TSHZ2: variants seen among roughly 807,000 people sequenced by gnomAD.
The protein encoded by TSHZ2 is teashirt homolog 2.
In TSHZ2, 21 loss-of-function variants were observed where a neutral mutation model predicts 74.4. That is an observed-to-expected ratio of 0.28 (90% CI 0.20 to 0.41). The LOEUF is 0.41. TSHZ2 is among the 10% of genes least tolerant of loss of function. The probability of loss-of-function intolerance (pLI) is 1.00; values close to 1 mark genes in which losing one functional copy is unlikely to be tolerated. For synonymous variants in TSHZ2, 540 were observed against 515.3 expected (o/e 1.05, Z -0.65); for missense variants, 1,244 against 1,293.5 (o/e 0.96, Z 0.59).
intron 2 of TSHZ2, among the ~76,000 whole-genome samples, chr20:53,286,954 G>A (rs1407274230): frequency 6.6e-6 from 1 of 150,932 alleles, no homozygotes; most frequent in Non-Finnish European, 1.5e-5. Context: ...ATGACCAGAT[G>A]CCAGACCAAG....
intron 2 of TSHZ2, among the ~76,000 whole-genome samples, chr20:53,308,431 C>T (rs758734418): frequency 3.9e-5 from 6 of 151,936 alleles, no homozygotes; most frequent in African/African-American, 1.5e-4. Flanking sequence ...GAAAGCAGGG[C>T]GTCTCGATGG....
At chr20:53,354,520 G>A (rs188410500) in intron 2 of TSHZ2, among the ~76,000 whole-genome samples, 1 of 152,320 alleles carries the variant, frequency 6.6e-6, no homozygotes, top group East Asian at 1.9e-4. Context: ...AGCAGGTGAA[G>A]GGCTCAAAAC....
chr20:53,465,027 G>A (rs1209860761), intron 2 of TSHZ2, among the ~76,000 whole-genome samples: 1 of 152,136 alleles, frequency 6.6e-6, no homozygotes, highest in African/African-American at 2.4e-5. Context: ...GGCAACTTGG[G>A]TTCCCCATAA....
intron 2 of TSHZ2, among the ~76,000 whole-genome samples, chr20:53,277,879 G>A (rs1018562402): frequency 6.6e-6 from 1 of 152,170 alleles, no homozygotes; most frequent in Non-Finnish European, 1.5e-5. Context: ...ACCCAGAGGA[G>A]TTTTGATGTC....
chr20:53,201,174 TA>T (rs1219931387), intron 1 of TSHZ2, among the ~76,000 whole-genome samples: 1 of 152,226 alleles, frequency 6.6e-6, no homozygotes, highest in Non-Finnish European at 1.5e-5. Flanking sequence ...CTTACATTTG[TA>T]AAGGTTATTC....
intron 1 of TSHZ2, among the ~76,000 whole-genome samples, chr20:53,009,263 G>A (rs577866677): frequency 5.3e-4 from 80 of 152,244 alleles, no homozygotes; most frequent in African/African-American, 1.8e-3. Flanking sequence ...GGTTGAATCA[G>A]GGAGGTTGAG....
At chr20:53,249,368 C>T (rs1990273265) in intron 1 of TSHZ2, among the ~76,000 whole-genome samples, 1 of 152,168 alleles carries the variant, frequency 6.6e-6, no homozygotes, top group South Asian at 2.1e-4. Context: ...GTGAACTGAG[C>T]ACTGGGGAGG....
At chr20:52,993,202 T>C (rs1014876718) in intron 1 of TSHZ2, among the ~76,000 whole-genome samples, 2 of 152,172 alleles carry the variant, frequency 1.3e-5, no homozygotes, top group Non-Finnish European at 1.5e-5. Flanking sequence ...CTCATAAATT[T>C]ATTTTTTTTC....
chr20:53,085,390 G>C (rs931424756), intron 1 of TSHZ2, among the ~76,000 whole-genome samples: 3 of 151,810 alleles, frequency 2.0e-5, no homozygotes, highest in African/African-American at 7.3e-5. Flanking sequence ...GAGAGAGAGA[G>C]AAAGAAAGAA....
chr20:53,314,042 C>A (rs1022071362), intron 2 of TSHZ2, among the ~76,000 whole-genome samples: 1 of 152,118 alleles, frequency 6.6e-6, no homozygotes, highest in Non-Finnish European at 1.5e-5. Flanking sequence ...CACGGAGGCA[C>A]TTTGGGAGGC....
At chr20:53,335,035 G>A (rs569931635) in intron 2 of TSHZ2, among the ~76,000 whole-genome samples, 5 of 152,364 alleles carry the variant, frequency 3.3e-5, no homozygotes, top group African/African-American at 1.2e-4. Flanking sequence ...GAGTAGGCAC[G>A]AGTATTTGCC....
In TSHZ2 at chr20:53,254,548, A is replaced by T. The variant is rs1482689112; in HGVS notation, c.1090A>T (p.Asn364Tyr). The change falls in exon 2 of 3, where the codon AAT becomes TAT. Residue 364 changes from asparagine (N) to tyrosine (Y), a missense_variant. Transcript: ENST00000371497. ...LSSNNRYGYQ[N>Y]GASYTWQFEA... ...CTCCAACAACCGCTATGGCTACCAAAATGGAGCCAGCTACACCTGGCAGTT... is the reference window on the plus strand; with the variant it reads ...CTCCAACAACCGCTATGGCTACCAATATGGAGCCAGCTACACCTGGCAGTT... 1.9e-6 allele frequency: 3 copies of T among 1,613,686 alleles called. No homozygotes were observed. In the African/African-American group the frequency reaches 4.0e-5, roughly 22 times the overall value.
At position 53,008,078 on chromosome 20, in the gene TSHZ2, A is replaced by G. The variant is rs117623602; in HGVS notation, c.40+34745A>G. ...TTAATATTCAAGGCAAAAAAGACCA[A>G]TTTAAATCAATACATAATTAACCTT... is the stretch of plus-strand genomic sequence containing the variant. On this transcript the variant is annotated intron_variant, in intron 1 of 2. Coordinates refer to ENST00000371497, the MANE Select transcript of TSHZ2 (RefSeq NM_173485.6). 6.2e-4 allele frequency among the ~76,000 whole-genome samples: 95 copies of G among 152,304 alleles called. 1 individual carries two copies. In the East Asian group the frequency reaches 0.017, roughly 28 times the overall value.
intron 1 of TSHZ2, among the ~76,000 whole-genome samples, chr20:53,056,143 A>G (rs1430525315): frequency 6.6e-6 from 1 of 152,242 alleles, no homozygotes; most frequent in Non-Finnish European, 1.5e-5. Context: ...AGTACACAAT[A>G]TATTTTGGTT....
intron 1 of TSHZ2, among the ~76,000 whole-genome samples, chr20:52,988,167 C>T (rs1313408267): frequency 1.3e-5 from 2 of 152,048 alleles, no homozygotes; most frequent in Admixed American, 6.5e-5. Context: ...TAACTGTCAT[C>T]GCCTTAATGG....
Position 53,210,129 on chromosome 20 carries a change from C to T in TSHZ2, c.41-43370C>T, listed in dbSNP as rs534378374. ...TGCCTGTTGGGTCGTTGCCACTGCTCAAACCCCTGAGGGGTGGGGGAGCAC... is the reference window on the plus strand; with the variant it reads ...TGCCTGTTGGGTCGTTGCCACTGCTTAAACCCCTGAGGGGTGGGGGAGCAC... On this transcript the variant is annotated intron_variant, in intron 1 of 2. Coordinates refer to ENST00000371497, the MANE Select transcript of TSHZ2 (RefSeq NM_173485.6). 8.5e-5 allele frequency among the ~76,000 whole-genome samples: 13 copies of T among 152,346 alleles called. No homozygotes were observed. The South Asian group carries it at 2.7e-3, about 32-fold the overall frequency.
chr20:53,158,356 G>A (rs1474854720), intron 1 of TSHZ2, among the ~76,000 whole-genome samples: 2 of 152,200 alleles, frequency 1.3e-5, no homozygotes, highest in Non-Finnish European at 2.9e-5. Flanking sequence ...TTACCTGTGA[G>A]CAGGTTGACT....
chr20:53,203,632 G>A (rs1989063897), intron 1 of TSHZ2, among the ~76,000 whole-genome samples: 1 of 152,240 alleles, frequency 6.6e-6, no homozygotes, highest in East Asian at 1.9e-4. Context: ...TCCCCTAGGA[G>A]GGCAGACTCA....
intron 1 of TSHZ2, among the ~76,000 whole-genome samples, chr20:53,100,500 A>G (rs1316385188): frequency 1.3e-5 from 2 of 152,192 alleles, no homozygotes; most frequent in African/African-American, 4.8e-5. Flanking sequence ...ACCACAGGAT[A>G]ATGCTTTTTG....
Sources: allele counts gnomAD v4.1 joint callset (sites outside exome capture counted in the v4.1 genomes callset), GRCh38; gene constraint gnomAD v4.1.1; transcripts MANE v1.5; gene names NCBI Gene and HGNC (gene_info 2026-07-23, HGNC 2026-07-21).